The following DLG2 variants were observed in gnomAD, a reference collection of about 807,000 sequenced individuals.
DLG2 encodes the protein discs large MAGUK scaffold protein 2.
In DLG2, 45 loss-of-function variants were observed where a neutral mutation model predicts 132.5. The observed-to-expected ratio is 0.34, with a 90% confidence interval of 0.27 to 0.44. The LOEUF (loss-of-function observed/expected upper bound fraction) is 0.44. DLG2 is among the 20% of genes least tolerant of loss of function. DLG2 has a pLI of 1.00. For missense variants in DLG2, 1,045 were observed against 1,196.9 expected (o/e 0.87, Z 1.87); for synonymous variants, 424 against 419.6 (o/e 1.01, Z -0.13).
At chr11:83,913,457 G>T (rs1028785121) in intron 15 of DLG2, among the ~76,000 whole-genome samples, 2 of 152,070 alleles carry the variant, frequency 1.3e-5, no homozygotes, top group African/African-American at 4.8e-5. Flanking sequence ...CAGAGTCCTT[G>T]AACTCAAGAA....
intron 7 of DLG2, among the ~76,000 whole-genome samples, chr11:84,521,601 A>T (rs2099301114): frequency 6.6e-6 from 1 of 152,222 alleles, no homozygotes; most frequent in Non-Finnish European, 1.5e-5. Context: ...TGAACTTAAA[A>T]GCCTCTTGCC....
At chr11:85,101,444 A>G (rs534814978) in intron 6 of DLG2, among the ~76,000 whole-genome samples, 1 of 152,150 alleles carries the variant, frequency 6.6e-6, no homozygotes, top group Non-Finnish European at 1.5e-5. Flanking sequence ...CTTCAATGCC[A>G]TTTTTAGTAT....
At chr11:84,878,597 C>G (rs1831436919) in intron 6 of DLG2, among the ~76,000 whole-genome samples, 1 of 151,940 alleles carries the variant, frequency 6.6e-6, no homozygotes, top group Non-Finnish European at 1.5e-5. Context: ...AGGAGAAATA[C>G]CTAATGTAGA....
chr11:83,874,414 T>C lies in DLG2; in HGVS notation c.1565+6A>G. 1 of 1,590,322 alleles carries C rather than the reference T, an allele frequency of 6.3e-7. No individual in the cohort carries two copies. Among genetic ancestry groups the C allele is most frequent in the Non-Finnish European group, 8.6e-7 (1 of 1,165,222 alleles). ...CAGTTTAAGAGGTTCTGTATTATTA[T>C]CTTACCCTTCCAGGGAGACGGCCCG... is the stretch of plus-strand genomic sequence containing the variant. On this transcript the variant is annotated splice_donor_region_variant and intron_variant, in intron 16 of 27. Coordinates refer to ENST00000376104, the MANE Select transcript of DLG2 (RefSeq NM_001142699.3).
At chr11:84,114,202 A>C (rs1054437798) in intron 9 of DLG2, among the ~76,000 whole-genome samples, 26 of 152,136 alleles carry the variant, frequency 1.7e-4, no homozygotes, top group Admixed American at 5.2e-4. Flanking sequence ...AATACTGTAG[A>C]CAGAATACAC....
rs201785118 is a variant in DLG2 at position 83,753,811 on chromosome 11, CAT to C, written c.1825+32877_1825+32878del. On this transcript the variant is annotated intron_variant, in intron 18 of 27. Coordinates refer to ENST00000376104, the MANE Select transcript of DLG2 (RefSeq NM_001142699.3). ...CATATATATGATATATCATATATATCATATATATATTTCATATATATATGATA... is the reference window on the plus strand; with the variant it reads ...CATATATATGATATATCATATATATCATATATATTTCATATATATATGATA... Among the ~76,000 whole-genome samples the C allele has an allele frequency of 5.5e-4, 37 of 66,858 alleles. 2 individuals are homozygous for C. Among genetic ancestry groups the C allele is most frequent in the Middle Eastern group, 7.7e-3 (1 of 130 alleles). 43.9% of individuals were successfully genotyped at this position (66,858 alleles called of 152,430 possible).
At chr11:84,904,514 T>C (rs2091281066) in intron 6 of DLG2, among the ~76,000 whole-genome samples, 2 of 152,224 alleles carry the variant, frequency 1.3e-5, no homozygotes, top group African/African-American at 4.8e-5. Context: ...TTCTATGCTT[T>C]CCTACTGTCA....
intron 13 of DLG2, 41 bp from the exon 14 acceptor site, chr11:83,963,064 G>T (rs201182953): frequency 1.3e-6 from 2 of 1,599,566 alleles, no homozygotes; most frequent in Non-Finnish European, 1.7e-6. Context: ...CCTGTTATGT[G>T]GGTGATTCAA....
At chr11:84,739,159 C>T (rs1488590431) in intron 6 of DLG2, among the ~76,000 whole-genome samples, 1 of 152,046 alleles carries the variant, frequency 6.6e-6, no homozygotes. Context: ...ATCAAATTTA[C>T]ATCAAGTTGT....
chr11:84,408,724 G>C (rs764448173), intron 7 of DLG2, among the ~76,000 whole-genome samples: 1 of 152,190 alleles, frequency 6.6e-6, no homozygotes, highest in Non-Finnish European at 1.5e-5. Flanking sequence ...AATGAGCCAT[G>C]ATAAAATCTT....
chr11:84,060,190 G>A (rs1215964321), intron 10 of DLG2, among the ~76,000 whole-genome samples: 1 of 152,062 alleles, frequency 6.6e-6, no homozygotes, highest in East Asian at 1.9e-4. Flanking sequence ...GTGTGTGCCT[G>A]TAGTTCAGCT....
intron 10 of DLG2, among the ~76,000 whole-genome samples, chr11:84,085,914 A>G (rs1047476331): frequency 6.6e-6 from 1 of 152,220 alleles, no homozygotes; most frequent in Non-Finnish European, 1.5e-5. Flanking sequence ...AACCTGAATT[A>G]ATCCCCTAAA....
chr11:85,236,485 G>A (rs2075593648), intron 4 of DLG2, among the ~76,000 whole-genome samples: 1 of 151,922 alleles, frequency 6.6e-6, no homozygotes, highest in East Asian at 1.9e-4. Flanking sequence ...TTCTTATAAG[G>A]ATACCAGTCA....
At chr11:84,248,430 A>C (rs576639339) in intron 8 of DLG2, among the ~76,000 whole-genome samples, 1 of 152,274 alleles carries the variant, frequency 6.6e-6, no homozygotes, top group African/African-American at 2.4e-5. Flanking sequence ...TTAGGTGCAT[A>C]GAGATTAAAT....
At chr11:85,213,203 T>G (rs577442339) in intron 4 of DLG2, among the ~76,000 whole-genome samples, 1 of 152,198 alleles carries the variant, frequency 6.6e-6, no homozygotes, top group Admixed American at 6.5e-5. Flanking sequence ...TCTAAAATAT[T>G]TGAAGAGATT....
At chr11:84,193,169 T>G (rs192080661) in intron 8 of DLG2, among the ~76,000 whole-genome samples, 11 of 152,300 alleles carry the variant, frequency 7.2e-5, no homozygotes, top group African/African-American at 2.2e-4. Context: ...ACAGTCATTG[T>G]TGAATAATAA....
chr11:84,034,496 C>T (rs111992720), intron 11 of DLG2, among the ~76,000 whole-genome samples: 90 of 152,180 alleles, frequency 5.9e-4, no homozygotes, highest in African/African-American at 2.0e-3. Context: ...AATTTTGAAG[C>T]TTTTCCTTGA....
At chr11:84,328,732 G>A (rs1445772214) in intron 7 of DLG2, among the ~76,000 whole-genome samples, 2 of 152,116 alleles carry the variant, frequency 1.3e-5, no homozygotes, top group Non-Finnish European at 2.9e-5. Context: ...GCAGGGTATG[G>A]ACTAATATAA....
chr11:85,277,108 A>ATG (rs2077938248), intron 4 of DLG2, among the ~76,000 whole-genome samples: 1 of 152,302 alleles, frequency 6.6e-6, no homozygotes, highest in South Asian at 2.1e-4. Flanking sequence ...GTAAAGCTTA[A>ATG]TGTAAGTTCA....
Sources: gnomAD v4.1 joint callset for allele counts (sites outside exome capture counted in the v4.1 genomes callset) on GRCh38, gnomAD v4.1.1 for gene constraint, MANE v1.5 for transcripts, NCBI Gene and HGNC (gene_info 2026-07-23, HGNC 2026-07-21) for gene names.